The following TRIM69 variants were observed in gnomAD, a reference collection of about 807,000 sequenced individuals.
TRIM69 encodes E3 ubiquitin-protein ligase TRIM69.
TRIM69 carries 29 observed loss-of-function variants against 37.7 expected under a neutral mutation model. That is an observed-to-expected ratio of 0.77 (90% CI 0.57 to 1.05). TRIM69 has a LOEUF of 1.05. TRIM69 is among the 50% of genes least tolerant of loss of function. The pLI, the probability that TRIM69 is intolerant of heterozygous loss-of-function variation, is 0.00. For missense variants in TRIM69, 596 were observed against 579.9 expected, an observed-to-expected ratio of 1.03 and a Z score of -0.28; for synonymous variants, 209 against 212.4, an observed-to-expected ratio of 0.98 and a Z score of 0.14.
chr15:44,744,160 C>T (rs576453520), intron 1 of TRIM69, among the ~76,000 whole-genome samples: 2 of 150,954 alleles, frequency 1.3e-5, no homozygotes, highest in African/African-American at 4.9e-5. Flanking sequence ...TTTTTAGGGA[C>T]ATGGATGAAA....
rs367675407 is a variant in TRIM69, at chr15:44,767,316, C to T, written c.1047C>T (p.Asp349=). 1.2e-6 allele frequency: 2 copies of T among 1,614,054 alleles called. No homozygotes were observed. The highest frequency in any genetic ancestry group is 2.7e-5 in the African/African-American group (2 of 75,006). The change falls in exon 7 of 7, where the codon GAC becomes GAT. Residue 349 remains aspartate, a synonymous_variant. Coordinates refer to ENST00000329464, the MANE Select transcript of TRIM69 (RefSeq NM_182985.5). ...SKSQTSVWHG[D]IKKIMPDDPE... Reference sequence around the variant, plus strand: ...GCCAAACCAGCGTCTGGCATGGTGACATTAAGAAGATAATGCCTGATGATC... The same window carrying T: ...GCCAAACCAGCGTCTGGCATGGTGATATTAAGAAGATAATGCCTGATGATC...
At chr15:44,744,682 T>C (rs934803869) in intron 1 of TRIM69, among the ~76,000 whole-genome samples, 3 of 152,072 alleles carry the variant, frequency 2.0e-5, no homozygotes, top group African/African-American at 7.2e-5. Flanking sequence ...TTGGTGGTGG[T>C]TTTAAAGACA....
intron 3 of TRIM69, 154 bp from the exon 4 acceptor site, chr15:44,758,467 C>T (rs374263298): frequency 2.6e-6 from 3 of 1,148,568 alleles, no homozygotes; most frequent in South Asian, 1.6e-5. Context: ...CCAAAGGACT[C>T]ATTTTAGTAT....
In TRIM69 at chr15:44,758,673, A is replaced by G. The variant is rs781021307; in HGVS notation, c.632A>G (p.His211Arg). 2 of 1,614,076 alleles carry G rather than the reference A, an allele frequency of 1.2e-6. No homozygotes were observed. The highest frequency in any genetic ancestry group is 2.2e-5 in the South Asian group (2 of 91,082). ...GTGTCCATGGAGTTTCTAAAGCTGC[A>G]TCAGTTCCTGCACAGCAAAGAAAAG... ...QHVSMEFLKLHQFLHSKEKDI... is the reference protein window; with the variant it reads ...QHVSMEFLKLRQFLHSKEKDI... The change falls in exon 4 of 7, where the codon CAT becomes CGT. Residue 211 changes from histidine to arginine, a missense_variant. By Grantham distance (29) the His-to-Arg change is conservative. Coordinates refer to ENST00000329464, the MANE Select transcript of TRIM69 (RefSeq NM_182985.5).
chr15:44,758,757 A>G lies in TRIM69; in HGVS notation c.716A>G (p.Asn239Ser). 1 of 1,614,188 alleles carries G rather than the reference A, an allele frequency of 6.2e-7. No individual in the cohort carries two copies. Among genetic ancestry groups the G allele is most frequent in the Non-Finnish European group, 8.5e-7 (1 of 1,180,028 alleles). ...GCCTTGAATGAGGAGATGGAGTTGAATCTGAGCCAGCTTCAGGAGCAATGT... is the reference window on the plus strand; with the variant it reads ...GCCTTGAATGAGGAGATGGAGTTGAGTCTGAGCCAGCTTCAGGAGCAATGT... ...GKALNEEMELNLSQLQEQCLL... is the reference protein window; with the variant it reads ...GKALNEEMELSLSQLQEQCLL... Residue 239 changes from asparagine to serine, a missense_variant, in exon 4 of 7, where the codon AAT becomes AGT. Transcript: ENST00000329464.
At chr15:44,757,343 G>A (rs1012355449) in intron 3 of TRIM69, 2 of 152,148 alleles carry the variant, frequency 1.3e-5, no homozygotes, top group Non-Finnish European at 2.9e-5. Context: ...AAAGTATAGG[G>A]TATGATGATA....
intron 6 of TRIM69, among the ~76,000 whole-genome samples, chr15:44,766,771 A>T (rs192832270): frequency 1.3e-5 from 2 of 152,222 alleles, no homozygotes; most frequent in East Asian, 3.9e-4. Flanking sequence ...AAAAGCATGT[A>T]AGTGGCCAGG....
At chr15:44,756,318 G>A (rs1223578484) in intron 2 of TRIM69, 50 bp from the exon 3 acceptor site, 3 of 1,321,646 alleles carry the variant, frequency 2.3e-6, no homozygotes, top group African/African-American at 1.5e-5. Context: ...GTCCTTTATG[G>A]TCCTTCATCT....
At chr15:44,758,142 A>G (rs2087691298) in intron 3 of TRIM69, 1 of 159,274 alleles carries the variant, frequency 6.3e-6, no homozygotes, top group Admixed American at 6.0e-5. Context: ...GATGTCAAAT[A>G]GTTTAACTGT....
intron 1 of TRIM69, among the ~76,000 whole-genome samples, chr15:44,747,250 A>G (rs1328596112): frequency 1.3e-5 from 2 of 152,154 alleles, no homozygotes; most frequent in East Asian, 1.9e-4. Flanking sequence ...TCTGTTGCTG[A>G]GGTAGAATGG....
At chr15:44,736,945 A>G (rs917077601) in intron 1 of TRIM69, among the ~76,000 whole-genome samples, 8 of 152,240 alleles carry the variant, frequency 5.3e-5, no homozygotes, top group Non-Finnish European at 1.0e-4. Context: ...TTGAGAAAAA[A>G]TAAACTATAT....
intron 1 of TRIM69, among the ~76,000 whole-genome samples, chr15:44,749,524 G>A (rs954672446): frequency 2.6e-5 from 4 of 152,134 alleles, no homozygotes; most frequent in Non-Finnish European, 5.9e-5. Flanking sequence ...TTAGCATAAT[G>A]TTTTTGAGGT....
chr15:44,759,992 G>T (rs758475349), intron 6 of TRIM69, 120 bp downstream of exon 6: 2 of 1,139,126 alleles, frequency 1.8e-6, no homozygotes, highest in Non-Finnish European at 2.5e-6. Flanking sequence ...GTACAGTTTG[G>T]CCAAAAGGAG....
At chr15:44,764,512 T>C (rs1030978741) in intron 6 of TRIM69, among the ~76,000 whole-genome samples, 1 of 152,006 alleles carries the variant, frequency 6.6e-6, no homozygotes, top group African/African-American at 2.4e-5. Context: ...GGCACTTTTC[T>C]GTAAAGGTTT....
chr15:44,749,686 C>A (rs536353708), intron 1 of TRIM69, among the ~76,000 whole-genome samples: 2 of 152,128 alleles, frequency 1.3e-5, no homozygotes, highest in African/African-American at 2.4e-5. Context: ...CTGCTATTAA[C>A]ATTTAGGTAC....
chr15:44,739,546 G>A (rs370087329), intron 1 of TRIM69, among the ~76,000 whole-genome samples: 21 of 152,194 alleles, frequency 1.4e-4, no homozygotes, highest in Non-Finnish European at 1.6e-4. Context: ...CTTTTCCGAC[G>A]GGCTTAAAGA....
At chr15:44,737,697 A>C (rs1412818671) in intron 1 of TRIM69, among the ~76,000 whole-genome samples, 1 of 152,144 alleles carries the variant, frequency 6.6e-6, no homozygotes, top group Non-Finnish European at 1.5e-5. Context: ...TTGACTCGTG[A>C]AGCAGGAGTG....
intron 1 of TRIM69, among the ~76,000 whole-genome samples, chr15:44,747,526 T>C (rs923316401): frequency 6.6e-6 from 1 of 152,044 alleles, no homozygotes; most frequent in African/African-American, 2.4e-5. Context: ...AGTTAGAAGA[T>C]ATGAAAAAGA....
intron 6 of TRIM69, among the ~76,000 whole-genome samples, chr15:44,766,193 TTGTAATTATTAGATTCAACTGAC>T (rs1401433106): frequency 6.6e-6 from 1 of 152,254 alleles, no homozygotes; most frequent in African/African-American, 2.4e-5. Flanking sequence ...AAGCCCAATT[TTGTAATTATTAGATTCAACTGAC>T]ATAAAATTAC....
Sources: allele counts gnomAD v4.1 joint callset (sites outside exome capture counted in the v4.1 genomes callset), GRCh38; gene constraint gnomAD v4.1.1; transcripts MANE v1.5; gene names NCBI Gene and HGNC (gene_info 2026-07-23, HGNC 2026-07-21).